Variants in SHC3 observed in about 807,000 individuals in gnomAD.
SHC3 encodes SHC-transforming protein 3.
In SHC3, 15 loss-of-function variants were observed where a neutral mutation model predicts 60.4. The observed-to-expected ratio is 0.25, with a 90% CI of 0.17 to 0.38. The LOEUF is 0.38. SHC3 is among the 10% of genes least tolerant of loss of function. The pLI, the probability that SHC3 is intolerant of heterozygous loss-of-function variation, is 1.00. For missense variants in SHC3, 677 were observed against 786.1 expected, an observed-to-expected ratio of 0.86 and a Z score of 1.66; for synonymous variants, 294 against 325.9, an observed-to-expected ratio of 0.90 and a Z score of 1.05.
At chr9:89,142,673 C>CAAAAAA (rs769333860) in intron 1 of SHC3, among the ~76,000 whole-genome samples, 1 of 83,710 alleles carries the variant, frequency 1.2e-5, no homozygotes, top group Non-Finnish European at 2.4e-5. Context: ...GAGACTCTGT[C>CAAAAAA]AAAAAAAAAA....
At chr9:89,146,571 C>G (rs1399393464) in intron 1 of SHC3, among the ~76,000 whole-genome samples, 1 of 151,992 alleles carries the variant, frequency 6.6e-6, no homozygotes, top group African/African-American at 2.4e-5. Context: ...AAGTAAAATC[C>G]CATGTTAACC....
intron 11 of SHC3, among the ~76,000 whole-genome samples, chr9:89,033,027 C>T (rs1305185887): frequency 1.1e-4 from 16 of 150,450 alleles, no homozygotes; most frequent in Non-Finnish European, 2.4e-4. Flanking sequence ...GCCCCCCCAC[C>T]GAAGAACAGT....
intron 6 of SHC3, 112 bp downstream of exon 6, chr9:89,065,417 A>G: frequency 1.8e-6 from 2 of 1,104,160 alleles, no homozygotes; most frequent in South Asian, 2.7e-5. Context: ...GTAATACAAG[A>G]TGGCACTACT....
chr9:89,162,826 A>T (rs1438248903), intron 1 of SHC3, among the ~76,000 whole-genome samples: 1 of 148,082 alleles, frequency 6.8e-6, no homozygotes, highest in Non-Finnish European at 1.5e-5. Context: ...ATGGGAGAAA[A>T]TTTTCGCAAG....
At chr9:89,113,381 A>T (rs1307046510) in intron 1 of SHC3, among the ~76,000 whole-genome samples, 1 of 152,156 alleles carries the variant, frequency 6.6e-6, no homozygotes, top group African/African-American at 2.4e-5. Context: ...TAAATGCCTT[A>T]GATTTAGCAG....
At position 89,046,939 on chromosome 9, in the gene SHC3, G is replaced by C. The variant is rs1306506096; in HGVS notation, c.1018C>G (p.Pro340Ala). 2 of 1,611,064 alleles carry C rather than the reference G, an allele frequency of 1.2e-6. No individual in the cohort carries two copies. The highest frequency in any genetic ancestry group is 1.7e-6 in the Non-Finnish European group (2 of 1,178,774). Residue 340 changes from proline to alanine, a missense_variant, in exon 8 of 12, where the codon CCA (proline) becomes GCA (alanine). By Grantham distance (27) the Pro-to-Ala change is conservative. Transcript: ENST00000375835. Reference protein sequence around the residue: ...TEEEGDGSDHPYYNSIPSKMP... With the variant: ...TEEEGDGSDHAYYNSIPSKMP... Reference sequence around the variant, plus strand: ...TTGCTTGGGATGCTGTTGTAGTATGGGTGGTCTGAGCCATCTCCCTCCTCT... The same window carrying C: ...TTGCTTGGGATGCTGTTGTAGTATGCGTGGTCTGAGCCATCTCCCTCCTCT...
chr9:89,089,656 C>T (rs1825588934), intron 2 of SHC3, among the ~76,000 whole-genome samples: 1 of 152,210 alleles, frequency 6.6e-6, no homozygotes, highest in Non-Finnish European at 1.5e-5. Flanking sequence ...CTTAACTCTT[C>T]CCAGAATCAC....
At chr9:89,043,599 A>T (rs377434709) in intron 9 of SHC3, among the ~76,000 whole-genome samples, 5 of 152,302 alleles carry the variant, frequency 3.3e-5, no homozygotes, top group African/African-American at 1.2e-4. Context: ...AGTATCTGCC[A>T]GCAAATTAAT....
intron 1 of SHC3, among the ~76,000 whole-genome samples, chr9:89,156,611 G>A (rs558653580): frequency 6.6e-6 from 1 of 152,244 alleles, no homozygotes; most frequent in African/African-American, 2.4e-5. Flanking sequence ...GTCACAAGAT[G>A]TTTGGTTCCC....
At chr9:89,174,010 T>C (rs759555290) in intron 1 of SHC3, among the ~76,000 whole-genome samples, 5 of 152,180 alleles carry the variant, frequency 3.3e-5, no homozygotes, top group Non-Finnish European at 7.3e-5. Flanking sequence ...AATAAAATTC[T>C]ACAATATTAT....
chr9:89,125,982 A>G (rs1051501674), intron 1 of SHC3, among the ~76,000 whole-genome samples: 1 of 152,036 alleles, frequency 6.6e-6, no homozygotes, highest in African/African-American at 2.4e-5. Flanking sequence ...ATTTTACTCT[A>G]TGGATTTGCT....
intron 11 of SHC3, among the ~76,000 whole-genome samples, chr9:89,030,292 C>T (rs1824462082): frequency 6.6e-6 from 1 of 152,034 alleles, no homozygotes; most frequent in Non-Finnish European, 1.5e-5. Flanking sequence ...ATTTCAATAC[C>T]TGACTTTTAA....
At chr9:89,081,153 C>A (rs550283198) in intron 2 of SHC3, among the ~76,000 whole-genome samples, 1 of 152,122 alleles carries the variant, frequency 6.6e-6, no homozygotes, top group Admixed American at 6.5e-5. Flanking sequence ...CACTCAATAG[C>A]ATAAAAAATT....
chr9:89,061,555 G>A (rs147361846), intron 6 of SHC3, among the ~76,000 whole-genome samples: 3,766 of 152,308 alleles, frequency 0.025, 75 homozygotes, highest in Middle Eastern at 0.068. Context: ...CTTAGGAGCC[G>A]CTGTTCAGGC....
Position 89,171,517 on chromosome 9 carries a change from C to T in SHC3, c.474+6470G>A, listed in dbSNP as rs75591997. ...CTTCTTTTTCTGCCTATTCAATAGACGAAAGTGAGCAAAGCCTCTTTTGAG... is the reference window on the plus strand; with the variant it reads ...CTTCTTTTTCTGCCTATTCAATAGATGAAAGTGAGCAAAGCCTCTTTTGAG... On this transcript the variant is annotated intron_variant, in intron 1 of 11. Transcript: ENST00000375835. Among the ~76,000 whole-genome samples, 86 of 152,292 alleles carry T rather than the reference C, an allele frequency of 5.6e-4. No homozygotes were observed. The East Asian group carries it at 0.015, about 27-fold the overall frequency.
At chr9:89,075,339 G>GC in intron 3 of SHC3, 111 bp from the exon 4 acceptor site, 1 of 1,396,088 alleles carries the variant, frequency 7.2e-7, no homozygotes, top group Non-Finnish European at 9.7e-7. Context: ...CCCTCCTTAG[G>GC]CATAAGAAGA....
chr9:89,174,891 C>T (rs755575990), intron 1 of SHC3, among the ~76,000 whole-genome samples: 35 of 152,306 alleles, frequency 2.3e-4, no homozygotes, highest in Non-Finnish European at 2.6e-4. Flanking sequence ...GTTTCCCCAC[C>T]GTGGATCTGA....
Position 89,161,562 on chromosome 9 carries a change from G to A in SHC3, c.474+16425C>T, listed in dbSNP as rs913345785. On this transcript the variant is annotated intron_variant, in intron 1 of 11. Transcript: ENST00000375835. ...ATGGCCTTACATCATGTCCTTGTCA[G>A]CTCAGGCTGCCATAACAAATATACC... Among the ~76,000 whole-genome samples the A allele has an allele frequency of 9.2e-5, 14 of 152,136 alleles. No homozygotes were observed. The East Asian group carries it at 2.7e-3, about 29-fold the overall frequency.
At chr9:89,045,676 C>A (rs1370208923) in intron 9 of SHC3, 70 bp downstream of exon 9, 26 of 1,416,260 alleles carry the variant, frequency 1.8e-5, no homozygotes, top group Non-Finnish European at 1.8e-5. Flanking sequence ...AAATAGGCGA[C>A]CCAGTGGTGA....
Sources: gnomAD v4.1 joint callset for allele counts (sites outside exome capture counted in the v4.1 genomes callset) on GRCh38, gnomAD v4.1.1 for gene constraint, MANE v1.5 for transcripts, NCBI Gene and HGNC (gene_info 2026-07-23, HGNC 2026-07-21) for gene names.